SLC41A3: variants seen among roughly 807,000 people sequenced by gnomAD.
The protein encoded by SLC41A3 is SLC41A1-like 2.
Under a neutral mutation model 45.4 loss-of-function variants are expected in SLC41A3, and 44 were observed. That is an observed-to-expected ratio of 0.97 (90% CI 0.76 to 1.25). SLC41A3 has a LOEUF of 1.25. Among genes scored for constraint, SLC41A3 ranks in the 50% most tolerant of loss-of-function variants. The pLI, the probability that SLC41A3 is intolerant of heterozygous loss-of-function variation, is 0.00. For synonymous variants in SLC41A3, 256 were observed against 252.4 expected, an observed-to-expected ratio of 1.01 and a Z score of -0.13; for missense variants, 550 against 600.6, an observed-to-expected ratio of 0.92 and a Z score of 0.88.
At chr3:126,079,088 T>C (rs745583232) in intron 1 of SLC41A3, 3 of 152,156 alleles carry the variant, frequency 2.0e-5, no homozygotes, top group Non-Finnish European at 4.4e-5. Flanking sequence ...GAGAGGTGGT[T>C]AACTTTTCCC....
At chr3:126,046,825 G>A (rs1942991396) in intron 3 of SLC41A3, among the ~76,000 whole-genome samples, 2 of 152,008 alleles carry the variant, frequency 1.3e-5, no homozygotes, top group African/African-American at 4.8e-5. Flanking sequence ...AGCCAGGCAT[G>A]GTGGCAGGTG....
intron 3 of SLC41A3, among the ~76,000 whole-genome samples, chr3:126,038,898 G>A (rs535982185): frequency 3.3e-4 from 50 of 152,288 alleles, no homozygotes; most frequent in Non-Finnish European, 6.0e-4. Flanking sequence ...TGGGTCATGG[G>A]GGTGGATCCT....
At chr3:126,071,928 G>A (rs1013883446) in intron 1 of SLC41A3, among the ~76,000 whole-genome samples, 1 of 151,862 alleles carries the variant, frequency 6.6e-6, no homozygotes, top group African/African-American at 2.4e-5. Flanking sequence ...GTGCCACCAT[G>A]CCCAGCTAAA....
chr3:126,095,815 C>T (rs1331186916), intron 1 of SLC41A3, among the ~76,000 whole-genome samples: 2 of 152,294 alleles, frequency 1.3e-5, no homozygotes, highest in South Asian at 2.1e-4. Flanking sequence ...TTGAATTGCA[C>T]CTCTGAGTCT....
intron 2 of SLC41A3, among the ~76,000 whole-genome samples, chr3:126,064,635 C>T (rs1193897638): frequency 2.0e-5 from 3 of 152,184 alleles, no homozygotes; most frequent in South Asian, 4.1e-4. Context: ...CCCGCACCCC[C>T]AGTCTTCTCT....
chr3:126,056,127 G>A (rs1943642888), intron 2 of SLC41A3, among the ~76,000 whole-genome samples: 1 of 152,172 alleles, frequency 6.6e-6, no homozygotes, highest in African/African-American at 2.4e-5. Flanking sequence ...TGCAGGCTAA[G>A]GTTCTGACAA....
chr3:126,036,055 G>A (rs1460674814), intron 3 of SLC41A3, among the ~76,000 whole-genome samples: 1 of 152,212 alleles, frequency 6.6e-6, no homozygotes, highest in East Asian at 1.9e-4. Flanking sequence ...CTTCCTCGAT[G>A]TGCATTTAAG....
chr3:126,025,125 A>G (rs1339137507), intron 5 of SLC41A3: 2 of 152,126 alleles, frequency 1.3e-5, no homozygotes, highest in Admixed American at 1.3e-4. Context: ...ATCAAAACAC[A>G]TTTTGTTGAC....
chr3:126,081,712 G>C (rs1230858408), intron 1 of SLC41A3, among the ~76,000 whole-genome samples: 2 of 152,206 alleles, frequency 1.3e-5, no homozygotes, highest in African/African-American at 2.4e-5. Context: ...GTGGGGAGAA[G>C]GGCCTGGAAC....
chr3:126,098,291 G>T (rs1945642893), intron 1 of SLC41A3, among the ~76,000 whole-genome samples: 1 of 152,110 alleles, frequency 6.6e-6, no homozygotes, highest in South Asian at 2.1e-4. Context: ...AGAGATAGGG[G>T]AGACCTCCCT....
chr3:126,012,068 G>A (rs954769510), intron 9 of SLC41A3, among the ~76,000 whole-genome samples: 1 of 152,102 alleles, frequency 6.6e-6, no homozygotes, highest in East Asian at 1.9e-4. Context: ...ATCCCCTCCT[G>A]TCCATTCAGC....
At chr3:126,023,593 C>A (rs11928117) in intron 5 of SLC41A3, 43,540 of 152,490 alleles carry the variant, frequency 0.29, 6,351 homozygotes, top group African/African-American at 0.33. Flanking sequence ...AACAGTCCTG[C>A]ACTGGGAGCT....
At chr3:126,060,039 A>G (rs1943970508) in intron 2 of SLC41A3, among the ~76,000 whole-genome samples, 1 of 152,230 alleles carries the variant, frequency 6.6e-6, no homozygotes, top group Non-Finnish European at 1.5e-5. Context: ...AGAAATAAAC[A>G]ACCATTTGCA....
chr3:126,046,911 G>C (rs1942997654), intron 3 of SLC41A3, among the ~76,000 whole-genome samples: 1 of 146,912 alleles, frequency 6.8e-6, no homozygotes, highest in African/African-American at 2.5e-5. Flanking sequence ...GCAGTGAGTT[G>C]AGATGGCACA....
At chr3:126,058,772 G>A (rs531641074) in intron 2 of SLC41A3, among the ~76,000 whole-genome samples, 3 of 152,310 alleles carry the variant, frequency 2.0e-5, no homozygotes, top group Non-Finnish European at 4.4e-5. Flanking sequence ...ACATCCACGT[G>A]AGCCTCCTTC....
rs748728480 is a variant in SLC41A3 at position 126,016,910 on chromosome 3, G to A, written c.746-35C>T. 1.9e-6 allele frequency: 3 copies of A among 1,603,174 alleles called. No homozygotes were observed. In the South Asian group the frequency reaches 3.3e-5, roughly 18 times the overall value. ...GAACAGGGACACACGCAGCTCATGT[G>A]GCCAAGGCCAGCACACACAGGCTGG... is the stretch of plus-strand genomic sequence containing the variant. On this transcript the variant is annotated intron_variant, in intron 6 of 10. Coordinates refer to ENST00000360370, the MANE Select transcript of SLC41A3 (RefSeq NM_017836.4).
rs144318764 is a variant in SLC41A3 at position 126,063,804 on chromosome 3, C to A, written c.273+4143G>T. On this transcript the variant is annotated intron_variant, in intron 2 of 10. Transcript: ENST00000360370. Reference sequence around the variant, plus strand: ...GCTCTGCAGGAAGCACCCAGTGGAGCCTCTACTTCCTGGGTGGGCCACAGG... The same window carrying A: ...GCTCTGCAGGAAGCACCCAGTGGAGACTCTACTTCCTGGGTGGGCCACAGG... Among the ~76,000 whole-genome samples, 372 of 152,248 alleles carry A rather than the reference C, an allele frequency of 2.4e-3. 1 individual carries two copies. The highest frequency in any genetic ancestry group is 4.3e-3 in the Non-Finnish European group (293 of 68,002).
At chr3:126,067,616 G>A in intron 2 of SLC41A3, 1 of 482,308 alleles carries the variant, frequency 2.1e-6, no homozygotes, top group African/African-American at 1.9e-5. Context: ...TGTTGTTGAA[G>A]CACCCCAGTG....
intron 2 of SLC41A3, among the ~76,000 whole-genome samples, chr3:126,051,621 G>A (rs1477094895): frequency 6.6e-6 from 1 of 152,182 alleles, no homozygotes; most frequent in African/African-American, 2.4e-5. Context: ...TTCAAAGACA[G>A]ATGAAAGGGA....
Sources: allele counts gnomAD v4.1 joint callset (sites outside exome capture counted in the v4.1 genomes callset), GRCh38; gene constraint gnomAD v4.1.1; transcripts MANE v1.5; gene names NCBI Gene and HGNC (gene_info 2026-07-23, HGNC 2026-07-21).